The following GPKOW variants were observed in gnomAD, a reference collection of about 807,000 sequenced individuals.
GPKOW encodes G-patch domain and KOW motifs-containing protein.
For synonymous variants in GPKOW, 167 were observed against 159.1 expected, an observed-to-expected ratio of 1.05 and a Z score of -0.37; for missense variants, 359 against 404.7, an observed-to-expected ratio of 0.89 and a Z score of 0.97.
At chrX:49,122,569 C>T (rs782102381) in intron 2 of GPKOW, 47 bp from the exon 3 acceptor site, 12 of 1,204,980 alleles carry the variant, frequency 1.0e-5, no homozygotes, top group Non-Finnish European at 1.3e-5. Flanking sequence ...TCTATCCTTC[C>T]ACCTTCTTCC....
Position 49,117,792 on chromosome X carries a change from G to A in GPKOW, c.585C>T (p.Val195=). 1 of 1,195,282 alleles carries A rather than the reference G, an allele frequency of 8.4e-7. No individual in the cohort carries two copies. Among genetic ancestry groups the A allele is most frequent in the Non-Finnish European group, 1.1e-6 (1 of 882,882 alleles). The part of the protein sequence containing the change: ...RTFNQVVKPR[V]NSLRPKGLGL... ...CTAACCCCTTGGGCCTCAGTGAGTTGACACGGGGCTTCACTACTCTGCAGG... is the reference window on the plus strand; with the variant it reads ...CTAACCCCTTGGGCCTCAGTGAGTTAACACGGGGCTTCACTACTCTGCAGG... The change falls in exon 5 of 11, where the codon GTC becomes GTT. Residue 195 remains valine (V), a synonymous_variant. Transcript: ENST00000156109.
rs1557090361 is a variant in GPKOW at position 49,117,072 on chromosome X, G to C, written c.871C>G (p.Pro291Ala). 8.3e-7 allele frequency: 1 copy of C among 1,206,011 alleles called. No individual in the cohort carries two copies. The highest frequency in any genetic ancestry group is 2.2e-5 in the Admixed American group (1 of 45,920). Residue 291 changes from proline to alanine, a missense_variant, in exon 6 of 11, where the codon CCT becomes GCT. By Grantham distance (27) the Pro-to-Ala change is conservative. Coordinates refer to ENST00000156109, the MANE Select transcript of GPKOW (RefSeq NM_015698.6). Reference sequence around the variant, plus strand: ...TTGTCAAACTCCTGCTGGGAGACAGGCCGCAGGTAGTACTCACTAACAGTC... The same window carrying C: ...TTGTCAAACTCCTGCTGGGAGACAGCCCGCAGGTAGTACTCACTAACAGTC... The part of the protein sequence containing the change: ...VVTVSEYYLR[P>A]VSQQEFDKNT...
intron 9 of GPKOW, 144 bp downstream of exon 9, chrX:49,115,582 T>A (rs2065190515): frequency 2.2e-6 from 1 of 450,777 alleles, no homozygotes; most frequent in Non-Finnish European, 3.9e-6. Context: ...ACCACCATCA[T>A]GGAAGTGTCT....
chrX:49,117,680 C>G lies in GPKOW; in HGVS notation c.697G>C (p.Asp233His). Residue 233 changes from aspartate (D) to histidine (H), a missense_variant, in exon 5 of 11, where the codon GAT becomes CAT. By Grantham distance (81) the Asp-to-His change is moderately conservative (BLOSUM62 -1). Transcript: ENST00000156109. ...MPRPDEEQEK[D>H]KEDQPQGLVP... is the part of the protein sequence containing the mutation. ...AGCCCTTGAGGCTGATCTTCCTTAT[C>G]TTTCTCTTGCTCCTCATCTGGTCTT... The G allele has an allele frequency of 8.3e-7, 1 of 1,209,806 alleles. No homozygotes were observed. Among genetic ancestry groups the G allele is most frequent in the Non-Finnish European group, 1.1e-6 (1 of 893,783 alleles).
chrX:49,116,789 A>G (rs1289445915), intron 6 of GPKOW, among the ~76,000 whole-genome samples: 1 of 111,737 alleles, frequency 8.9e-6, no homozygotes, highest in Non-Finnish European at 1.9e-5. Context: ...TGGTTTCTGC[A>G]CCTGTTTCTT....
rs782460055 is a variant in GPKOW at position 49,122,017 on chromosome X, C to G, written c.456+381G>C. On this transcript the variant is annotated intron_variant, in intron 3 of 10. Transcript: ENST00000156109. ...GTAAAAGCCAAAGTCCTCACAATGGCCTACAAGGCCCTGCCTGGTCTAGCA... is the reference window on the plus strand; with the variant it reads ...GTAAAAGCCAAAGTCCTCACAATGGGCTACAAGGCCCTGCCTGGTCTAGCA... Among the ~76,000 whole-genome samples the G allele has an allele frequency of 5.4e-5, 6 of 111,995 alleles. No individual in the cohort carries two copies. The South Asian group carries it at 2.2e-3, about 41-fold the overall frequency.
chrX:49,113,708 C>T lies in GPKOW; in HGVS notation c.1344G>A (p.Val448=). 8.3e-7 allele frequency: 1 copy of T among 1,207,951 alleles called. No individual in the cohort carries two copies. Among genetic ancestry groups the T allele is most frequent in the South Asian group, 1.8e-5 (1 of 56,345 alleles). The part of the protein sequence containing the change: ...SRDRARSRAL[V]QLPRENQVVE... The stretch of plus-strand genomic sequence containing the variant: ...CCACCTGATTTTCTCTTGGCAGTTG[C>T]ACCAAAGCCCGGCTCCGTGCTCTGT... The change falls in exon 11 of 11, where the codon GTG becomes GTA. Residue 448 remains valine, a synonymous_variant. Transcript: ENST00000156109.
chrX:49,122,100 G>A (rs1254228573), intron 3 of GPKOW, among the ~76,000 whole-genome samples: 8 of 111,977 alleles, frequency 7.1e-5, no homozygotes, highest in African/African-American at 2.6e-4. Flanking sequence ...TTCCACTTCA[G>A]TCACACTGGT....
In GPKOW at chrX:49,113,439, T is replaced by C; in HGVS notation, c.*182A>G. 2.3e-6 allele frequency: 1 copy of C among 438,462 alleles called. No individual in the cohort carries two copies. The allele number at this position is 438,462 out of a possible 1,213,427, so 36.1% of individuals were successfully genotyped here. ...AATGGTTTTTATTATACCCTAAATT[T>C]TGGTAAATATTGGGTTTGTTTCTAG... On this transcript the variant is annotated 3_prime_UTR_variant, in exon 11 of 11. Coordinates refer to ENST00000156109, the MANE Select transcript of GPKOW (RefSeq NM_015698.6).
intron 5 of GPKOW, 109 bp from the exon 6 acceptor site, chrX:49,117,271 C>T (rs1431542380): frequency 2.4e-6 from 2 of 821,883 alleles, no homozygotes; most frequent in Non-Finnish European, 3.5e-6. Context: ...CTCTGTCTCC[C>T]CAACCAGACT....
In GPKOW at chrX:49,116,431, C is replaced by T; in HGVS notation, c.914-108G>A. The T allele has an allele frequency of 9.6e-6, 5 of 522,649 alleles. No individual in the cohort carries two copies. In the South Asian group the frequency reaches 1.2e-4, roughly 12 times the overall value. 43.1% of individuals were successfully genotyped at this position (522,649 alleles called of 1,213,427 possible). ...TTTCCTTCCAAGGCCATGTCTCAGC[C>T]TAGAGCCACCTCCCACCTGCCAAAG... On this transcript the variant is annotated intron_variant, in intron 6 of 10. Coordinates refer to ENST00000156109, the MANE Select transcript of GPKOW (RefSeq NM_015698.6).
chrX:49,118,871 A>G (rs1218447085), intron 4 of GPKOW, among the ~76,000 whole-genome samples: 1 of 109,339 alleles, frequency 9.1e-6, no homozygotes, highest in Non-Finnish European at 1.9e-5. Context: ...AGTCTGCATG[A>G]CAATAGCAAA....
Position 49,123,539 on chromosome X carries a change from C to T in GPKOW, c.176+8G>A, listed in dbSNP as rs782053357. On this transcript the variant is annotated splice_region_variant and intron_variant, in intron 1 of 10. Transcript: ENST00000156109. ...GATTTCCAAGGGGTGAAAGACCCGG[C>T]GCGTCACCTCTGCAGCTCCCTCCCT... The T allele has an allele frequency of 2.5e-6, 3 of 1,191,950 alleles. No homozygotes were observed. Among genetic ancestry groups the T allele is most frequent in the Non-Finnish European group, 2.3e-6 (2 of 885,371 alleles).
Position 49,114,430 on chromosome X carries a change from C to T in GPKOW, c.1211-492G>A, listed in dbSNP as rs186732533. On this transcript the variant is annotated intron_variant, in intron 9 of 10. Coordinates refer to ENST00000156109, the MANE Select transcript of GPKOW (RefSeq NM_015698.6). ...CTGGGATTACAGGCATGAGCCACCG[C>T]GCCCAGCCTACAAAAAATTTTAAAA... Among the ~76,000 whole-genome samples, 191 of 106,656 alleles carry T rather than the reference C, an allele frequency of 1.8e-3. 1 individual carries two copies. Among genetic ancestry groups the T allele is most frequent in the African/African-American group, 6.0e-3 (176 of 29,464 alleles). 92.6% of individuals were successfully genotyped at this position (106,656 alleles called of 115,157 possible).
intron 9 of GPKOW, 97 bp from the exon 10 acceptor site, chrX:49,114,035 C>T (rs2065181688): frequency 1.8e-6 from 1 of 563,934 alleles, no homozygotes. Flanking sequence ...TGGTGGCTCA[C>T]ACCTGTAGTC....
chrX:49,123,689 T>G lies in GPKOW; in HGVS notation c.34A>C (p.Thr12Pro). ...GAAATTGGGGCAGTGGAAGCAGCCG[T>G]CAGCGGCAAAACACCCTCTTTGGAG... Reference protein sequence around the residue: ...ADSKEGVLPLTAASTAPISFG... With the variant: ...ADSKEGVLPLPAASTAPISFG... The change falls in exon 1 of 11, where the codon ACG becomes CCG. Residue 12 changes from threonine (T) to proline (P), a missense_variant. Physicochemically the swap from Thr to Pro is conservative, Grantham distance 38 (BLOSUM62 -1). Coordinates refer to ENST00000156109, the MANE Select transcript of GPKOW (RefSeq NM_015698.6). 1 of 1,207,685 alleles carries G rather than the reference T, an allele frequency of 8.3e-7. No homozygotes were observed.
In GPKOW at chrX:49,117,819, A is replaced by T; in HGVS notation, c.567-9T>A. 8.8e-7 allele frequency: 1 copy of T among 1,131,418 alleles called. No homozygotes were observed. The highest frequency in any genetic ancestry group is 2.4e-5 in the Admixed American group (1 of 41,935). 93.2% of individuals were successfully genotyped at this position (1,131,418 alleles called of 1,213,427 possible). A position where few individuals can be genotyped will look rare whatever the true frequency, so the allele number is the denominator to read the frequency against. ...CACGGGGCTTCACTACTCTGCAGGG[A>T]GGAATATGGGTTTGTTGGAGAGGAT... On this transcript the variant is annotated splice_polypyrimidine_tract_variant and intron_variant, in intron 4 of 10. Coordinates refer to ENST00000156109, the MANE Select transcript of GPKOW (RefSeq NM_015698.6).
intron 5 of GPKOW, 52 bp downstream of exon 5, chrX:49,117,545 T>C: frequency 2.2e-6 from 2 of 923,133 alleles, no homozygotes; most frequent in Non-Finnish European, 3.1e-6. Context: ...GACCCTCGGA[T>C]CAACCTTCCC....
At position 49,116,207 on chromosome X, in the gene GPKOW, G is replaced by A. The variant is rs782753388; in HGVS notation, c.1016+14C>T. Reference sequence around the variant, plus strand: ...CCTGCCTTCTTGACCCCTCCCGCATGCTCAGAGTCCCACCGGTCTGGAAGG... The same window carrying A: ...CCTGCCTTCTTGACCCCTCCCGCATACTCAGAGTCCCACCGGTCTGGAAGG... On this transcript the variant is annotated intron_variant, in intron 7 of 10. Coordinates refer to ENST00000156109, the MANE Select transcript of GPKOW (RefSeq NM_015698.6). 1.7e-6 allele frequency: 2 copies of A among 1,158,121 alleles called. No individual in the cohort carries two copies. The highest frequency in any genetic ancestry group is 2.4e-6 in the Non-Finnish European group (2 of 847,974).
Sources: gnomAD v4.1 joint callset for allele counts (sites outside exome capture counted in the v4.1 genomes callset) on GRCh38, gnomAD v4.1.1 for gene constraint, MANE v1.5 for transcripts, NCBI Gene and HGNC (gene_info 2026-07-23, HGNC 2026-07-21) for gene names.